Variants in GRM7 observed in about 807,000 individuals in gnomAD.
The protein encoded by GRM7 is glutamate metabotropic receptor 7.
Under a neutral mutation model 84.5 loss-of-function variants are expected in GRM7, and 35 were observed. The ratio of observed to expected loss-of-function variants is 0.41; its 90% CI spans 0.32 to 0.55. GRM7 has a LOEUF of 0.55. Among genes scored for constraint, GRM7 ranks in the 20% least tolerant of loss-of-function variants. The pLI, the probability that GRM7 is intolerant of heterozygous loss-of-function variation, is 0.19. For missense variants in GRM7, 1,003 were observed against 1,194.6 expected (o/e 0.84, Z 2.36); for synonymous variants, 487 against 455.1 (o/e 1.07, Z -0.89).
rs540505695 is a variant in GRM7, at chr3:6,861,345, G to T, written c.-44G>T. ...CCCGGACCTCGGCGAGCCCACCACC[G>T]TTCCCTCCAGCGCCGCCGCCGCCAC... On this transcript the variant is annotated 5_prime_UTR_variant, in exon 1 of 10. Transcript: ENST00000357716. This position sits in a 1 kb window ranked among gnomAD's most constrained non-coding sequence, Gnocchi z 6.4. 36 of 1,455,274 alleles carry T rather than the reference G, an allele frequency of 2.5e-5. No individual in the cohort carries two copies. In the Middle Eastern group the frequency reaches 1.0e-3, roughly 41 times the overall value. The allele number at this position is 1,455,274 out of a possible 1,614,324, so 90.1% of individuals were successfully genotyped here.
chr3:7,019,134 G>A (rs1695679270), intron 1 of GRM7, among the ~76,000 whole-genome samples: 1 of 152,176 alleles, frequency 6.6e-6, no homozygotes, highest in Admixed American at 6.5e-5. Context: ...TTTAAAGTTT[G>A]TGAAAATGTA....
chr3:7,295,411 A>T (rs549837434), intron 2 of GRM7, among the ~76,000 whole-genome samples: 27 of 152,246 alleles, frequency 1.8e-4, no homozygotes, highest in African/African-American at 6.0e-4. Flanking sequence ...GTAAGTCTTA[A>T]ACTTAAGTGG....
intron 9 of GRM7, among the ~76,000 whole-genome samples, chr3:7,725,935 CAT>C (rs1368311811): frequency 6.6e-6 from 1 of 152,094 alleles, no homozygotes; most frequent in Non-Finnish European, 1.5e-5. Context: ...AGAAGTCTCT[CAT>C]AGGTGTATTC....
At position 7,674,364 on chromosome 3, in the gene GRM7, G is replaced by A. The variant is rs112599735; in HGVS notation, c.2452-5685G>A. On this transcript the variant is annotated intron_variant, in intron 8 of 9. Coordinates refer to ENST00000357716, the MANE Select transcript of GRM7 (RefSeq NM_000844.4). Reference sequence around the variant, plus strand: ...CCACCACCCCACCTAGCTAACCGTTGTATTTTTAATAGAGATGGGGTTTTG... The same window carrying A: ...CCACCACCCCACCTAGCTAACCGTTATATTTTTAATAGAGATGGGGTTTTG... Among the ~76,000 whole-genome samples, 289 of 152,028 alleles carry A rather than the reference G, an allele frequency of 1.9e-3. 2 individuals are homozygous for A. The highest frequency in any genetic ancestry group is 6.7e-3 in the African/African-American group (277 of 41,480).
chr3:6,961,548 C>A (rs1307299309), intron 1 of GRM7, among the ~76,000 whole-genome samples: 1 of 152,148 alleles, frequency 6.6e-6, no homozygotes, highest in Non-Finnish European at 1.5e-5. Flanking sequence ...AAATTCTACT[C>A]CACACCCTCC....
chr3:7,214,389 A>G (rs1328919476), intron 2 of GRM7, among the ~76,000 whole-genome samples: 1 of 152,228 alleles, frequency 6.6e-6, no homozygotes, highest in African/African-American at 2.4e-5. Flanking sequence ...TTCGAGCTTC[A>G]GAAGCAAACA....
At chr3:6,944,604 T>C (rs966353730) in intron 1 of GRM7, among the ~76,000 whole-genome samples, 4 of 152,186 alleles carry the variant, frequency 2.6e-5, no homozygotes, top group African/African-American at 9.7e-5. Flanking sequence ...TTTGCATATG[T>C]ATTCCTGAGA....
rs1213689003 is a variant in GRM7, at chr3:7,188,094, T to C, written c.736+41426T>C. ...AGGAGGAATGATGTGGGGTGGGTAT[T>C]GGCTATTATACTTAGCATTATACTT... On this transcript the variant is annotated intron_variant, in intron 2 of 9. Coordinates refer to ENST00000357716, the MANE Select transcript of GRM7 (RefSeq NM_000844.4). This position sits in a 1 kb window ranked among gnomAD's most constrained non-coding sequence, Gnocchi z 4.2. Among the ~76,000 whole-genome samples the C allele has an allele frequency of 6.6e-6, 1 of 152,158 alleles. No homozygotes were observed. The highest frequency in any genetic ancestry group is 2.4e-5 in the African/African-American group (1 of 41,450).
At chr3:6,884,787 A>G (rs916646889) in intron 1 of GRM7, among the ~76,000 whole-genome samples, 2 of 152,028 alleles carry the variant, frequency 1.3e-5, no homozygotes, top group Non-Finnish European at 2.9e-5. Context: ...TTAAGTAGAG[A>G]CAGGGTTTCA....
chr3:6,976,666 A>G (rs1421044529), intron 1 of GRM7, among the ~76,000 whole-genome samples: 1 of 151,884 alleles, frequency 6.6e-6, no homozygotes, highest in Admixed American at 6.6e-5. Flanking sequence ...CCTATTGTCT[A>G]TTTACAGCCT....
intron 7 of GRM7, among the ~76,000 whole-genome samples, chr3:7,527,161 A>C (rs1164888002): frequency 1.3e-5 from 2 of 151,936 alleles, no homozygotes; most frequent in African/African-American, 4.8e-5. Context: ...TCCATAAAAG[A>C]GGGACATTTT....
intron 1 of GRM7, among the ~76,000 whole-genome samples, chr3:7,141,283 T>C (rs1436909676): frequency 6.6e-6 from 1 of 151,924 alleles, no homozygotes; most frequent in African/African-American, 2.4e-5. Flanking sequence ...CAGAAATTAA[T>C]AGATTCCTAT....
At chr3:7,101,202 AT>A (rs1204887911) in intron 1 of GRM7, among the ~76,000 whole-genome samples, 2 of 151,808 alleles carry the variant, frequency 1.3e-5, no homozygotes, top group African/African-American at 4.8e-5. Context: ...TAGTTGTACC[AT>A]TTTTTTATTC....
chr3:7,004,429 A>T (rs1029294192), intron 1 of GRM7, among the ~76,000 whole-genome samples: 4 of 152,204 alleles, frequency 2.6e-5, no homozygotes, highest in Non-Finnish European at 4.4e-5. Flanking sequence ...TATGAATTGG[A>T]TAAAACTTTC....
intron 1 of GRM7, among the ~76,000 whole-genome samples, chr3:6,887,747 G>A (rs902629915): frequency 3.5e-4 from 54 of 152,234 alleles, no homozygotes; most frequent in African/African-American, 6.5e-4. Flanking sequence ...TATATACCCC[G>A]TACTGGGATG....
At chr3:7,239,298 G>T (rs894953275) in intron 2 of GRM7, among the ~76,000 whole-genome samples, 3 of 152,104 alleles carry the variant, frequency 2.0e-5, no homozygotes, top group Non-Finnish European at 2.9e-5. Context: ...ACTGAGCCCA[G>T]TCTAACATCC....
chr3:7,213,973 T>C (rs1420541520), intron 2 of GRM7, among the ~76,000 whole-genome samples: 1 of 152,214 alleles, frequency 6.6e-6, no homozygotes, highest in African/African-American at 2.4e-5. Context: ...TTTGACTTCT[T>C]GCTAAGTATC....
At chr3:7,523,360 G>C (rs1262861524) in intron 7 of GRM7, among the ~76,000 whole-genome samples, 2 of 152,018 alleles carry the variant, frequency 1.3e-5, no homozygotes, top group African/African-American at 4.8e-5. Flanking sequence ...TTGAAACCAG[G>C]CTTCCTGGTT....
chr3:7,413,877 A>G (rs1575301054), intron 4 of GRM7, among the ~76,000 whole-genome samples: 1 of 152,124 alleles, frequency 6.6e-6, no homozygotes, highest in South Asian at 2.1e-4. Flanking sequence ...GCCTACCTCA[A>G]TGAGCTGGAC....
Sources: allele counts gnomAD v4.1 joint callset (sites outside exome capture counted in the v4.1 genomes callset), GRCh38; gene constraint gnomAD v4.1.1; non-coding constraint Gnocchi (gnomAD v3.1); transcripts MANE v1.5; gene names NCBI Gene and HGNC (gene_info 2026-07-23, HGNC 2026-07-21).